The following DOP1B variants were observed in gnomAD, a reference collection of about 807,000 sequenced individuals.
DOP1B encodes protein DOP1B.
A neutral mutation model predicts 233.5 loss-of-function variants in DOP1B; 174 were observed. That is an observed-to-expected ratio of 0.75 (90% CI 0.66 to 0.85). The LOEUF (loss-of-function observed/expected upper bound fraction) is 0.85, where lower values mean the gene tolerates loss of function less well. Ranked by LOEUF, DOP1B falls within the 40% of genes least tolerant of loss-of-function variation. The pLI, the probability that DOP1B is intolerant of heterozygous loss-of-function variation, is 0.00. For synonymous variants in DOP1B, 1,190 were observed against 1,185.6 expected (o/e 1.00, Z -0.08); for missense variants, 2,652 against 2,846.6 (o/e 0.93, Z 1.56).
chr21:36,267,107 G>C (rs1052551839), intron 26 of DOP1B, among the ~76,000 whole-genome samples: 2 of 152,134 alleles, frequency 1.3e-5, no homozygotes, highest in Admixed American at 6.6e-5. Context: ...AAAATTCTCG[G>C]ATGTCAAGGA....
intron 9 of DOP1B, 85 bp from the exon 10 acceptor site, chr21:36,219,287 A>G: frequency 2.6e-6 from 4 of 1,545,696 alleles, no homozygotes; most frequent in Non-Finnish European, 3.6e-6. Flanking sequence ...TTTACTGTAT[A>G]TATGTCTTAT....
At position 36,289,369 on chromosome 21, in the gene DOP1B, A is replaced by T. The variant is rs533054016; in HGVS notation, c.6515+163A>T. On this transcript the variant is annotated intron_variant, in intron 35 of 36. Transcript: ENST00000691173. The stretch of plus-strand genomic sequence containing the variant: ...AATACCAAGTTTCAGATTACTTGCA[A>T]CATCTGTGGCTCTGCAAATTTGGCT... 5.3e-5 allele frequency among the ~76,000 whole-genome samples: 8 copies of T among 151,974 alleles called. No individual in the cohort carries two copies. In the East Asian group the frequency reaches 1.6e-3, roughly 29 times the overall value.
At chr21:36,289,449 G>A (rs1029458960) in intron 35 of DOP1B, among the ~76,000 whole-genome samples, 59 of 150,708 alleles carry the variant, frequency 3.9e-4, no homozygotes, top group African/African-American at 9.5e-4. Context: ...GTGTGTGTGT[G>A]TGTGTGTGTG....
At position 36,219,063 on chromosome 21, in the gene DOP1B, A is replaced by G. The variant is rs556066160; in HGVS notation, c.1130-309A>G. Reference sequence around the variant, plus strand: ...AACCTCTCTGTGCTTCCATCTCCTTATGTGTAATCAGCAGTACAGGATCTG... The same window carrying G: ...AACCTCTCTGTGCTTCCATCTCCTTGTGTGTAATCAGCAGTACAGGATCTG... On this transcript the variant is annotated intron_variant, in intron 9 of 36. Coordinates refer to ENST00000691173, the MANE Select transcript of DOP1B (RefSeq NM_001320714.2). 2.0e-5 allele frequency among the ~76,000 whole-genome samples: 3 copies of G among 152,274 alleles called. No individual in the cohort carries two copies. The East Asian group carries it at 5.8e-4, about 29-fold the overall frequency.
At chr21:36,231,260 A>G (rs2123549402) in intron 14 of DOP1B, 126 bp downstream of exon 14, 1 of 1,262,448 alleles carries the variant, frequency 7.9e-7, no homozygotes, top group African/African-American at 1.5e-5. Flanking sequence ...CTTTTTTCAG[A>G]TTTTTGGAAT....
At chr21:36,201,193 G>A (rs2066361124) in intron 4 of DOP1B, among the ~76,000 whole-genome samples, 1 of 152,200 alleles carries the variant, frequency 6.6e-6, no homozygotes, top group South Asian at 2.1e-4. Flanking sequence ...CTTGCAGCGT[G>A]CATTACACAC....
In DOP1B at chr21:36,281,566, A is replaced by G. The variant is rs2067416941; in HGVS notation, c.6115A>G (p.Ser2039Gly). The G allele has an allele frequency of 5.0e-6, 8 of 1,609,430 alleles. No homozygotes were observed. The East Asian group carries it at 6.7e-5, about 13-fold the overall frequency. The change falls in exon 32 of 37, where the codon AGT (serine) becomes GGT (glycine). Residue 2039 changes from serine to glycine, a missense_variant. Physicochemically the swap from Ser to Gly is moderately conservative, Grantham distance 56 (BLOSUM62 0). Coordinates refer to ENST00000691173, the MANE Select transcript of DOP1B (RefSeq NM_001320714.2). The part of the protein sequence containing the change: ...LLKRQAFAVF[S>G]GELDQYHLYL... ...AAAGCGCCAGGCTTTTGCTGTCTTCAGTGGAGAACTTGATCAATACCACCT... is the reference window on the plus strand; with the variant it reads ...AAAGCGCCAGGCTTTTGCTGTCTTCGGTGGAGAACTTGATCAATACCACCT...
At chr21:36,157,160 C>T (rs749534654) in intron 1 of DOP1B, among the ~76,000 whole-genome samples, 1 of 152,058 alleles carries the variant, frequency 6.6e-6, no homozygotes. Flanking sequence ...GAGCTCGGGG[C>T]CGGAGACCGG....
chr21:36,247,241 G>A (rs1488685124), intron 19 of DOP1B, among the ~76,000 whole-genome samples: 1 of 152,174 alleles, frequency 6.6e-6, no homozygotes, highest in Non-Finnish European at 1.5e-5. Flanking sequence ...GGGCATGTCA[G>A]CTACTCTCTA....
intron 23 of DOP1B, among the ~76,000 whole-genome samples, chr21:36,256,433 C>G (rs753650818): frequency 6.6e-6 from 1 of 151,654 alleles, no homozygotes; most frequent in South Asian, 2.1e-4. Flanking sequence ...AGAGTGAGAC[C>G]CTGTCCAAAA....
chr21:36,197,560 C>T (rs2066305409), intron 2 of DOP1B, among the ~76,000 whole-genome samples: 1 of 152,180 alleles, frequency 6.6e-6, no homozygotes, highest in Non-Finnish European at 1.5e-5. Context: ...ATAGTCCCTG[C>T]CCTCGCACTG....
intron 2 of DOP1B, among the ~76,000 whole-genome samples, chr21:36,180,289 C>T (rs1363043642): frequency 6.6e-6 from 1 of 152,244 alleles, no homozygotes; most frequent in Non-Finnish European, 1.5e-5. Context: ...ACTCACTTTG[C>T]TGGCCGCGGT....
intron 2 of DOP1B, among the ~76,000 whole-genome samples, chr21:36,194,189 A>G (rs1543766): frequency 0.43 from 65,162 of 151,842 alleles, 14,444 homozygotes; most frequent in African/African-American, 0.55. Flanking sequence ...GGCTCCATGT[A>G]GAGTGTATAA....
At position 36,246,436 on chromosome 21, in the gene DOP1B, C is replaced by T; in HGVS notation, c.4456C>T (p.Gln1486Ter). 1 of 1,613,598 alleles carries T rather than the reference C, an allele frequency of 6.2e-7. No homozygotes were observed. Among genetic ancestry groups the T allele is most frequent in the Non-Finnish European group, 8.5e-7 (1 of 1,179,844 alleles). Residue 1486 changes from glutamine (Q) to a stop codon, truncating the protein, a stop_gained, in exon 19 of 37, where the codon CAG (glutamine) becomes TAG (stop). Transcript: ENST00000691173. LOFTEE classifies it high-confidence loss of function. The surrounding 1 kb of genome is among the most constrained non-coding windows in gnomAD (Gnocchi z 5.1). ...CTTCCAGCAGGCCATCAGCGCCCTG[C>T]AGTACGTGCAGCCCCACCCCCTCAC... ...LNFQQAISALQYVQPHPLTSQ... is the reference protein window; with the variant it reads ...LNFQQAISAL
In DOP1B at chr21:36,246,843, ATTATGTTATGTTATG is replaced by A. The variant is rs58401743; in HGVS notation, c.4697+206_4697+220del. ...AACAAGCAACTAAATGTTCTGATCC[ATTATGTTATGTTATG>A]TTATGTTATGTTATGTTATGTTATG... On this transcript the variant is annotated intron_variant, in intron 19 of 36. Coordinates refer to ENST00000691173, the MANE Select transcript of DOP1B (RefSeq NM_001320714.2). This position sits in a 1 kb window ranked among gnomAD's most constrained non-coding sequence, Gnocchi z 5.1. 0.34 allele frequency among the ~76,000 whole-genome samples: 49,447 copies of A among 146,824 alleles called. 8,516 individuals carry two copies. The highest frequency in any genetic ancestry group is 0.41 in the Admixed American group (5,952 of 14,566).
chr21:36,211,767 G>T (rs1445166508), intron 6 of DOP1B, 116 bp downstream of exon 6: 2 of 1,311,678 alleles, frequency 1.5e-6, no homozygotes, highest in Non-Finnish European at 2.1e-6. Context: ...ATTATTTGCT[G>T]GTAGCCAGTG....
At chr21:36,235,541 C>T (rs895845171) in intron 15 of DOP1B, among the ~76,000 whole-genome samples, 3 of 151,432 alleles carry the variant, frequency 2.0e-5, no homozygotes, top group Non-Finnish European at 4.4e-5. Flanking sequence ...CTGGCCAACA[C>T]GGCAAAATCC....
intron 14 of DOP1B, 132 bp downstream of exon 14, chr21:36,231,266 G>T (rs2066761947): frequency 8.2e-7 from 1 of 1,215,188 alleles, no homozygotes. Flanking sequence ...TCAGATTTTT[G>T]GAATATTTGC....
intron 12 of DOP1B, among the ~76,000 whole-genome samples, 185 bp from the exon 13 acceptor site, chr21:36,227,501 C>G (rs368792869): frequency 6.6e-5 from 10 of 151,400 alleles, no homozygotes; most frequent in Admixed American, 4.0e-4. Context: ...GAGCCGAGAT[C>G]GCGACACTGC....
Sources: gnomAD v4.1 joint callset for allele counts (sites outside exome capture counted in the v4.1 genomes callset) on GRCh38, gnomAD v4.1.1 for gene constraint, Gnocchi (gnomAD v3.1) non-coding constraint, MANE v1.5 for transcripts, NCBI Gene and HGNC (gene_info 2026-07-23, HGNC 2026-07-21) for gene names.